The following SPAG4 variants were observed in gnomAD, a reference collection of about 807,000 sequenced individuals.
The protein encoded by SPAG4 is sperm associated antigen 4.
A neutral mutation model predicts 53.9 loss-of-function variants in SPAG4; 54 were observed. That is an observed-to-expected ratio of 1.00 (90% confidence interval 0.80 to 1.26). The LOEUF (loss-of-function observed/expected upper bound fraction) is 1.26, where lower values mean the gene tolerates loss of function less well. Among genes scored for constraint, SPAG4 ranks in the 50% most tolerant of loss-of-function variants. The pLI, the probability that SPAG4 is intolerant of heterozygous loss-of-function variation, is 0.00. For synonymous variants in SPAG4, 246 were observed against 237.4 expected, an observed-to-expected ratio of 1.04 and a Z score of -0.33; for missense variants, 548 against 568.6, an observed-to-expected ratio of 0.96 and a Z score of 0.37.
At chr20:35,616,663 G>T (rs1450253466) in intron 1 of SPAG4, among the ~76,000 whole-genome samples, 1 of 146,928 alleles carries the variant, frequency 6.8e-6, no homozygotes, top group Admixed American at 6.8e-5. Flanking sequence ...ACGGAGTTTC[G>T]CTCCTGTTGC....
intron 9 of SPAG4, 44 bp from the exon 10 acceptor site, chr20:35,619,535 T>C: frequency 6.3e-7 from 1 of 1,594,554 alleles, no homozygotes. Flanking sequence ...GCGGCAGCAG[T>C]CGCTCTGTCC....
Position 35,618,498 on chromosome 20 carries a change from G to A in SPAG4, c.608+23G>A, listed in dbSNP as rs202050454. On this transcript the variant is annotated intron_variant, in intron 6 of 11. Transcript: ENST00000374273. ...AAGGTGAAAGAGGGCACCTAGGGTG[G>A]GAAATTGGGGGGCTCAAAGTTGCTT... The A allele has an allele frequency of 1.5e-5, 24 of 1,613,468 alleles. No homozygotes were observed. The African/African-American group carries it at 2.8e-4, about 19-fold the overall frequency.
chr20:35,617,020 C>G (rs1380216641), intron 1 of SPAG4, 116 bp from the exon 2 acceptor site: 1 of 692,480 alleles, frequency 1.4e-6, no homozygotes, highest in Non-Finnish European at 2.5e-6. Flanking sequence ...GGACCAAAGC[C>G]TGTGAGAGAC....
chr20:35,617,940 T>G, intron 4 of SPAG4, 100 bp downstream of exon 4: 2 of 1,396,598 alleles, frequency 1.4e-6, no homozygotes, highest in South Asian at 2.3e-5. Flanking sequence ...CTCCTGGCAT[T>G]CCCCTGCAGA....
At chr20:35,617,674 T>C in intron 3 of SPAG4, 88 bp downstream of exon 3, 1 of 1,570,312 alleles carries the variant, frequency 6.4e-7, no homozygotes, top group Non-Finnish European at 8.8e-7. Context: ...CTTGAGCCGA[T>C]TCAGATCTGA....
At chr20:35,620,324 G>A (rs1468622712) in intron 10 of SPAG4, among the ~76,000 whole-genome samples, 2 of 152,094 alleles carry the variant, frequency 1.3e-5, no homozygotes, top group African/African-American at 2.4e-5. Context: ...TAAAGATGAA[G>A]AAAGTAATGC....
Position 35,618,658 on chromosome 20 carries a change from C to A in SPAG4, c.655C>A (p.Leu219Ile). ...CTCCCAGGGGCAGCAGCTGCAGCAG[C>A]TCCAGGCCGAGCTGGATAAACTCCA... ...VRSQGQQLQQ[L>I]QAELDKLHKE... Residue 219 changes from leucine to isoleucine, a missense_variant, in exon 7 of 12, where the codon CTC becomes ATC. By Grantham distance (5) the Leu-to-Ile change is conservative (BLOSUM62 2). Coordinates refer to ENST00000374273, the MANE Select transcript of SPAG4 (RefSeq NM_003116.3). 6.3e-7 allele frequency: 1 copy of A among 1,598,402 alleles called. No homozygotes were observed. Among genetic ancestry groups the A allele is most frequent in the Non-Finnish European group, 8.5e-7 (1 of 1,172,534 alleles).
At position 35,616,021 on chromosome 20, in the gene SPAG4, C is replaced by G; in HGVS notation, c.18C>G (p.Arg6=). The G allele has an allele frequency of 6.2e-7, 1 of 1,612,026 alleles. No individual in the cohort carries two copies. Among genetic ancestry groups the G allele is most frequent in the South Asian group, 1.1e-5 (1 of 91,074 alleles). The change falls in exon 1 of 12, where the codon CGC becomes CGG. Residue 6 remains arginine (R), a synonymous_variant. Coordinates refer to ENST00000374273, the MANE Select transcript of SPAG4 (RefSeq NM_003116.3). ...GGGTCAGGATGCGGCGAAGCTCCCG[C>G]CCGGGCTCGGCCTCGTCCTCGCGCA... MRRSS[R]PGSASSSRKH... is the part of the protein sequence containing the mutation.
At chr20:35,620,222 C>T (rs1212306564) in intron 10 of SPAG4, among the ~76,000 whole-genome samples, 1 of 152,184 alleles carries the variant, frequency 6.6e-6, no homozygotes, top group African/African-American at 2.4e-5. Context: ...CCGCCTTCCT[C>T]GGCCTTCTGA....
At position 35,617,019 on chromosome 20, in the gene SPAG4, C is replaced by A; in HGVS notation, c.305-117C>A. The A allele has an allele frequency of 5.8e-6, 4 of 688,942 alleles. No homozygotes were observed. The South Asian group carries it at 6.8e-5, about 12-fold the overall frequency. The allele number at this position is 688,942 out of a possible 1,614,324, so 42.7% of individuals were successfully genotyped here. A position where few individuals can be genotyped will look rare whatever the true frequency, so the allele number is the denominator to read the frequency against. ...GGATAGGGCTGCGGTGGGACCAAAGCCTGTGAGAGACTTCCCAGCTGTCTG... is the reference window on the plus strand; with the variant it reads ...GGATAGGGCTGCGGTGGGACCAAAGACTGTGAGAGACTTCCCAGCTGTCTG... On this transcript the variant is annotated intron_variant, in intron 1 of 11. Coordinates refer to ENST00000374273, the MANE Select transcript of SPAG4 (RefSeq NM_003116.3).
At chr20:35,618,788 C>A in intron 7 of SPAG4, 68 bp downstream of exon 7, 1 of 1,442,036 alleles carries the variant, frequency 6.9e-7, no homozygotes, top group South Asian at 1.2e-5. Context: ...ACTTAAGCTC[C>A]GCCCAGAGCC....
chr20:35,619,453 G>A, intron 9 of SPAG4, 126 bp from the exon 10 acceptor site: 3 of 1,405,956 alleles, frequency 2.1e-6, no homozygotes, highest in South Asian at 2.4e-5. Context: ...CATTGCTGGG[G>A]ACTGGGGCGG....
chr20:35,620,423 G>C (rs1166766430), intron 10 of SPAG4, among the ~76,000 whole-genome samples: 1 of 152,150 alleles, frequency 6.6e-6, no homozygotes, highest in Non-Finnish European at 1.5e-5. Flanking sequence ...GGGAGGTGGA[G>C]CTTGCAGTGA....
chr20:35,619,023 CAG>C, intron 8 of SPAG4, 25 bp downstream of exon 8: 1 of 1,597,972 alleles, frequency 6.3e-7, no homozygotes, highest in Non-Finnish European at 8.6e-7. Context: ...CACTGGAAGA[CAG>C]AGACGCAGAC....
chr20:35,619,419 C>A, intron 9 of SPAG4, 109 bp downstream of exon 9: 2 of 1,382,168 alleles, frequency 1.4e-6, no homozygotes, highest in South Asian at 2.3e-5. Context: ...TGGAGGATGG[C>A]GTTTAACTCA....
At chr20:35,620,189 T>C (rs1008327015) in intron 10 of SPAG4, among the ~76,000 whole-genome samples, 1 of 152,192 alleles carries the variant, frequency 6.6e-6, no homozygotes, top group Non-Finnish European at 1.5e-5. Context: ...CAGGATGGTC[T>C]CAAACTCCTG....
At position 35,616,251 on chromosome 20, in the gene SPAG4, G is replaced by A. The variant is rs768724896; in HGVS notation, c.248G>A (p.Arg83Gln). ...AGCTCTCAGCAGAAGCCAGCGCCTC[G>A]GAGCCACAACTGGCAGACAGCCTGT... ...AGSSQQKPAP[R>Q]SHNWQTACGA... The change falls in exon 1 of 12, where the codon CGG becomes CAG. Residue 83 changes from arginine to glutamine, a missense_variant. Arg to Gln is a conservative substitution (Grantham distance 43, BLOSUM62 1). Coordinates refer to ENST00000374273, the MANE Select transcript of SPAG4 (RefSeq NM_003116.3). The A allele has an allele frequency of 5.9e-6, 9 of 1,519,534 alleles. No homozygotes were observed. The highest frequency in any genetic ancestry group is 7.9e-6 in the Non-Finnish European group (9 of 1,137,634). 94.1% of individuals were successfully genotyped at this position (1,519,534 alleles called of 1,614,324 possible). A position where few individuals can be genotyped will look rare whatever the true frequency, so the allele number is the denominator to read the frequency against.
intron 6 of SPAG4, 33 bp downstream of exon 6, chr20:35,618,508 G>C: frequency 1.2e-6 from 2 of 1,613,354 alleles, no homozygotes. Context: ...GGAAATTGGG[G>C]GGCTCAAAGT....
intron 8 of SPAG4, 73 bp downstream of exon 8, chr20:35,619,071 A>G: frequency 6.7e-7 from 1 of 1,484,644 alleles, no homozygotes; most frequent in Non-Finnish European, 9.4e-7. Context: ...AGACAGACCC[A>G]TGCACCTGAC....
Sources: allele counts gnomAD v4.1 joint callset (sites outside exome capture counted in the v4.1 genomes callset), GRCh38; gene constraint gnomAD v4.1.1; transcripts MANE v1.5; gene names NCBI Gene and HGNC (gene_info 2026-07-23, HGNC 2026-07-21).